SUGCT: variants seen among roughly 807,000 people sequenced by gnomAD.
SUGCT encodes succinyl-CoA:glutarate-CoA transferase.
SUGCT carries 41 observed loss-of-function variants against 55.0 expected under a neutral mutation model. The ratio of observed to expected loss-of-function variants is 0.74; its 90% CI spans 0.58 to 0.97. The LOEUF (loss-of-function observed/expected upper bound fraction) is 0.97, where lower values mean the gene tolerates loss of function less well. SUGCT is among the 50% of genes least tolerant of loss of function. The pLI, the probability that SUGCT is intolerant of heterozygous loss-of-function variation, is 0.00. For missense variants in SUGCT, 568 were observed against 547.8 expected (o/e 1.04, Z -0.37); for synonymous variants, 187 against 200.4 (o/e 0.93, Z 0.56).
chr7:40,283,776 G>T (rs1302305580), intron 8 of SUGCT, among the ~76,000 whole-genome samples: 3 of 152,058 alleles, frequency 2.0e-5, no homozygotes, highest in Admixed American at 6.6e-5. Context: ...TTCCTCAAAA[G>T]AATTAAAAGT....
chr7:40,291,518 G>T (rs1793765280), intron 8 of SUGCT, among the ~76,000 whole-genome samples: 2 of 109,398 alleles, frequency 1.8e-5, no homozygotes, highest in African/African-American at 3.4e-5. Flanking sequence ...GGTGGGGGGA[G>T]GGGGGAGGGA....
chr7:40,432,654 C>G (rs1787956179), intron 9 of SUGCT, among the ~76,000 whole-genome samples: 1 of 144,336 alleles, frequency 6.9e-6, no homozygotes, highest in African/African-American at 2.6e-5. Context: ...CCGCTGCACT[C>G]CAGCCTGAGC....
chr7:40,444,048 T>C (rs1385999257), intron 9 of SUGCT, among the ~76,000 whole-genome samples: 6 of 152,194 alleles, frequency 3.9e-5, no homozygotes, highest in African/African-American at 1.2e-4. Flanking sequence ...TGTGGTATTA[T>C]TTCTGAGGGC....
chr7:41,009,167 C>T, the SUGCT span, among the ~76,000 whole-genome samples: 60,130 of 145,066 alleles, frequency 0.41, 12,348 homozygotes, highest in South Asian at 0.44. Context: ...TGAGCCATGA[C>T]AGTGCCACTG....
intron 12 of SUGCT, among the ~76,000 whole-genome samples, chr7:40,690,749 G>A (rs1317275609): frequency 6.6e-6 from 1 of 151,976 alleles, no homozygotes; most frequent in Admixed American, 6.6e-5. Flanking sequence ...ACTAATTTTT[G>A]TATTTTTTTG....
intron 7 of SUGCT, among the ~76,000 whole-genome samples, chr7:40,248,882 G>GCACT (rs1330088160): frequency 7.7e-6 from 1 of 130,362 alleles, no homozygotes; most frequent in Non-Finnish European, 1.6e-5. Flanking sequence ...GCGCGCGCGC[G>GCACT]CGCTCGCACA....
intron 13 of SUGCT, among the ~76,000 whole-genome samples, chr7:40,806,054 C>A (rs1298329015): frequency 1.3e-5 from 2 of 152,072 alleles, no homozygotes; most frequent in Admixed American, 1.3e-4. Flanking sequence ...TATCAAGCAT[C>A]CAAGTGAAAC....
chr7:40,226,226 G>C (rs1473297227), intron 6 of SUGCT, among the ~76,000 whole-genome samples: 2 of 152,052 alleles, frequency 1.3e-5, no homozygotes, highest in Non-Finnish European at 2.9e-5. Flanking sequence ...GTACCATAAG[G>C]GCAAAAGAGA....
intron 13 of SUGCT, among the ~76,000 whole-genome samples, chr7:40,832,311 T>C (rs1792715469): frequency 6.6e-6 from 1 of 152,170 alleles, no homozygotes; most frequent in South Asian, 2.1e-4. Context: ...GAAAAATAAT[T>C]ATCCTCCATC....
At chr7:40,261,959 T>A (rs76655730) in intron 7 of SUGCT, among the ~76,000 whole-genome samples, 2,547 of 152,292 alleles carry the variant, frequency 0.017, 58 homozygotes, top group African/African-American at 0.059. Flanking sequence ...CCTTAAAATA[T>A]CACAATTCCC....
At chr7:40,604,087 G>C (rs1270999759) in intron 12 of SUGCT, among the ~76,000 whole-genome samples, 3 of 152,034 alleles carry the variant, frequency 2.0e-5, no homozygotes, top group Non-Finnish European at 4.4e-5. Context: ...AGTGGGGGAG[G>C]TTCCTCAATG....
intron 8 of SUGCT, among the ~76,000 whole-genome samples, chr7:40,287,510 T>C (rs1003001774): frequency 2.6e-5 from 4 of 151,958 alleles, no homozygotes; most frequent in Non-Finnish European, 5.9e-5. Context: ...CTTTTTTTTT[T>C]TTTTAAAGTC....
intron 7 of SUGCT, among the ~76,000 whole-genome samples, chr7:40,240,533 C>A (rs527258727): frequency 6.6e-6 from 1 of 152,008 alleles, no homozygotes; most frequent in Non-Finnish European, 1.5e-5. Context: ...CTGGGAGTCC[C>A]CCTTAAGAGA....
At chr7:40,797,834 A>G (rs541629793) in intron 13 of SUGCT, among the ~76,000 whole-genome samples, 1 of 152,338 alleles carries the variant, frequency 6.6e-6, no homozygotes, top group East Asian at 1.9e-4. Context: ...CTTTGCTTAT[A>G]GGTCAGAATT....
chr7:40,851,729 T>C (rs1015460861), intron 13 of SUGCT, among the ~76,000 whole-genome samples: 1 of 152,220 alleles, frequency 6.6e-6, no homozygotes, highest in African/African-American at 2.4e-5. Context: ...ATGAAGTCCA[T>C]AGATATTTGT....
At chr7:40,588,150 C>T (rs1797498898) in intron 12 of SUGCT, among the ~76,000 whole-genome samples, 2 of 152,046 alleles carry the variant, frequency 1.3e-5, no homozygotes, top group African/African-American at 4.8e-5. Context: ...GATCTGCCCG[C>T]CTCGGCCTCC....
intron 8 of SUGCT, among the ~76,000 whole-genome samples, chr7:40,293,087 T>C (rs1422695135): frequency 6.6e-6 from 1 of 152,218 alleles, no homozygotes; most frequent in Non-Finnish European, 1.5e-5. Flanking sequence ...TGTTTAAAAG[T>C]GTTGAAAACT....
intron 9 of SUGCT, among the ~76,000 whole-genome samples, chr7:40,356,222 C>A (rs1422469353): frequency 1.3e-5 from 2 of 152,206 alleles, no homozygotes; most frequent in African/African-American, 4.8e-5. Flanking sequence ...ATTCAAACAA[C>A]ATTAGTTGTC....
chr7:40,888,123 A>G, the SUGCT span, among the ~76,000 whole-genome samples: 15 of 152,308 alleles, frequency 9.8e-5, no homozygotes, highest in African/African-American at 2.6e-4. Flanking sequence ...CAGATAAAAT[A>G]TTGAATGTCA....
Sources: allele counts gnomAD v4.1 joint callset (sites outside exome capture counted in the v4.1 genomes callset), GRCh38; gene constraint gnomAD v4.1.1; transcripts MANE v1.5; gene names NCBI Gene and HGNC (gene_info 2026-07-23, HGNC 2026-07-21).